The following OGDH variants were observed in gnomAD, a reference collection of about 807,000 sequenced individuals.
OGDH encodes oxoglutarate dehydrogenase.
OGDH carries 38 observed loss-of-function variants against 116.6 expected under a neutral mutation model. The ratio of observed to expected loss-of-function variants is 0.33; its 90% CI spans 0.25 to 0.43. The LOEUF is 0.43. Among genes scored for constraint, OGDH ranks in the 20% least tolerant of loss-of-function variants. The pLI is 1.00. For synonymous variants in OGDH, 488 were observed against 533.3 expected (o/e 0.92, Z 1.17); for missense variants, 825 against 1,357.2 (o/e 0.61, Z 6.16).
intron 2 of OGDH, among the ~76,000 whole-genome samples, chr7:44,626,621 T>C (rs1377051096): frequency 1.3e-5 from 2 of 152,194 alleles, no homozygotes; most frequent in Admixed American, 6.5e-5. Context: ...GATTCATGGG[T>C]AAAAGGTGCA....
At chr7:44,658,707 T>C (rs1199673589) in intron 4 of OGDH, among the ~76,000 whole-genome samples, 1 of 152,188 alleles carries the variant, frequency 6.6e-6, no homozygotes, top group East Asian at 1.9e-4. Context: ...GTAGATTTTT[T>C]GTAAATGCTC....
Position 44,697,731 on chromosome 7 carries a change from G to C in OGDH, c.2307G>C (p.Trp769Cys). ...TCATCTGCCCGGGACAAGCCAAGTG[G>C]GTGCGGCAGAATGGCATCGTGTTGC... ...DQFICPGQAK[W>C]VRQNGIVLLL... The change falls in exon 17 of 23, where the codon TGG (tryptophan) becomes TGC (cysteine). Residue 769 changes from tryptophan to cysteine, a missense_variant. This residue lies in a region of OGDH where 73 missense variants were observed against 182.3 expected (regional missense o/e 0.40). Coordinates refer to ENST00000222673, the MANE Select transcript of OGDH (RefSeq NM_002541.4). The surrounding 1 kb of genome is among the most constrained non-coding windows in gnomAD (Gnocchi z 6.0). 1 of 1,614,236 alleles carries C rather than the reference G, an allele frequency of 6.2e-7. No individual in the cohort carries two copies. Among genetic ancestry groups the C allele is most frequent in the African/African-American group, 1.3e-5 (1 of 75,066 alleles).
intron 10 of OGDH, among the ~76,000 whole-genome samples, chr7:44,685,226 C>T (rs1395270943): frequency 2.6e-5 from 4 of 152,188 alleles, no homozygotes; most frequent in African/African-American, 9.7e-5. Context: ...ACTGTTTCGT[C>T]TCCAACAGAA....
Position 44,700,208 on chromosome 7 carries a change from C to G in OGDH, c.2498C>G (p.Ser833Cys). The G allele has an allele frequency of 3.7e-6, 6 of 1,614,238 alleles. No individual in the cohort carries two copies. Among genetic ancestry groups the G allele is most frequent in the Non-Finnish European group, 5.1e-6 (6 of 1,180,026 alleles). The stretch of plus-strand genomic sequence containing the variant: ...TGCAATTGGGTTGTTGTCAACTGCT[C>G]CACTCCTGGCAACTTCTTCCACGTG... ...YDCNWVVVNC[S>C]TPGNFFHVLR... The change falls in exon 19 of 23, where the codon TCC (serine) becomes TGC (cysteine). Residue 833 changes from serine (S) to cysteine (C), a missense_variant. This residue lies in a region of OGDH where 212 missense variants were observed against 284.3 expected (regional missense o/e 0.75). Transcript: ENST00000222673.
At position 44,625,207 on chromosome 7, in the gene OGDH, C is replaced by G. The variant is rs149622043; in HGVS notation, c.222+642C>G. ...TGGCGGGATCTCGGCTTGCTGCAAC[C>G]TCCGACTCCTGGGTTCAAGTGATTC... is the stretch of plus-strand genomic sequence containing the variant. On this transcript the variant is annotated intron_variant, in intron 2 of 22. Coordinates refer to ENST00000222673, the MANE Select transcript of OGDH (RefSeq NM_002541.4). Among the ~76,000 whole-genome samples the G allele has an allele frequency of 2.8e-3, 429 of 152,242 alleles. 2 individuals carry two copies. The highest frequency in any genetic ancestry group is 1.0e-2 in the African/African-American group (414 of 41,532).
At chr7:44,654,756 AG>A (rs1185680044) in intron 4 of OGDH, among the ~76,000 whole-genome samples, 2 of 152,132 alleles carry the variant, frequency 1.3e-5, no homozygotes, top group African/African-American at 4.8e-5. Context: ...CTTTGACTGG[AG>A]ATACCCAGAA....
chr7:44,624,310 T>TTTTTTTAG lies in OGDH; in HGVS notation c.-27-7_-27-6insTTTTTTAG, dbSNP rs1562617800. 1.3e-5 allele frequency: 14 copies of TTTTTTTAG among 1,102,340 alleles called. No homozygotes were observed. The highest frequency in any genetic ancestry group is 1.0e-4 in the Admixed American group (4 of 39,024). 68.3% of individuals were successfully genotyped at this position (1,102,340 alleles called of 1,614,324 possible). On this transcript the variant is annotated splice_region_variant and splice_polypyrimidine_tract_variant and intron_variant, in intron 1 of 22. Coordinates refer to ENST00000222673, the MANE Select transcript of OGDH (RefSeq NM_002541.4). ...TTTCTTGTTTTTTTTTTTTTTTTTTTGTACAGGCAGTTGTGAAAAACTTCA... is the reference window on the plus strand; with the variant it reads ...TTTCTTGTTTTTTTTTTTTTTTTTTTTTTTTTAGGTACAGGCAGTTGTGAAAAACTTCA...
At chr7:44,619,495 T>C (rs1583426) in intron 1 of OGDH, among the ~76,000 whole-genome samples, 205 of 152,356 alleles carry the variant, frequency 1.3e-3, no homozygotes, top group African/African-American at 4.9e-3. Flanking sequence ...ACTCATAATA[T>C]GTCTTTTGCG....
intron 2 of OGDH, among the ~76,000 whole-genome samples, chr7:44,625,792 A>G (rs1785179692): frequency 6.6e-6 from 1 of 152,000 alleles, no homozygotes; most frequent in African/African-American, 2.4e-5. Flanking sequence ...CCCTTTAAGT[A>G]TTAGTGACAC....
intron 20 of OGDH, among the ~76,000 whole-genome samples, chr7:44,704,685 TTTTGGG>T (rs1036696642): frequency 5.9e-5 from 9 of 151,982 alleles, no homozygotes; most frequent in Admixed American, 3.9e-4. Flanking sequence ...TTGGTTTTGG[TTTTGGG>T]TTTGGGTGTT....
chr7:44,625,861 T>C (rs754337591), intron 2 of OGDH, among the ~76,000 whole-genome samples: 1 of 152,146 alleles, frequency 6.6e-6, no homozygotes, highest in Non-Finnish European at 1.5e-5. Context: ...CAGTTCTAGC[T>C]ACTCCACAGG....
intron 4 of OGDH, 46 bp from the exon 5 acceptor site, chr7:44,666,690 C>A: frequency 8.8e-7 from 1 of 1,133,522 alleles, no homozygotes; most frequent in Non-Finnish European, 1.3e-6. Context: ...CATGGCTGTG[C>A]CCCATCCCTC....
chr7:44,621,317 T>C (rs1193181755), intron 1 of OGDH, among the ~76,000 whole-genome samples: 33 of 152,138 alleles, frequency 2.2e-4, no homozygotes, highest in Admixed American at 2.2e-3. Flanking sequence ...CAAACAATCC[T>C]TAAGCCTTGG....
At chr7:44,675,075 C>G (rs531970298) in intron 7 of OGDH, 103 bp from the exon 8 acceptor site, 2 of 864,128 alleles carry the variant, frequency 2.3e-6, no homozygotes, top group South Asian at 2.9e-5. Context: ...GAGGAGGTGC[C>G]GTGTCCTGGG....
At chr7:44,647,804 GCTGTGCCACGAC>G in intron 4 of OGDH, 45 bp downstream of exon 4, 1 of 1,446,760 alleles carries the variant, frequency 6.9e-7, no homozygotes, top group Non-Finnish European at 9.7e-7. Flanking sequence ...AGCTCCTCTC[GCTGTGCCACGAC>G]CTGTGGTAGC....
At chr7:44,618,988 A>G (rs530371137) in intron 1 of OGDH, among the ~76,000 whole-genome samples, 12 of 152,334 alleles carry the variant, frequency 7.9e-5, no homozygotes, top group African/African-American at 2.6e-4. Flanking sequence ...CTACATGGTT[A>G]TCTATGCTTC....
At chr7:44,637,482 G>T (rs1275473924) in intron 2 of OGDH, among the ~76,000 whole-genome samples, 2 of 152,158 alleles carry the variant, frequency 1.3e-5, no homozygotes, top group Non-Finnish European at 2.9e-5. Context: ...GATATTTGTT[G>T]AATTGAATGA....
chr7:44,693,345 C>T (rs574327335), intron 10 of OGDH, among the ~76,000 whole-genome samples: 5 of 151,582 alleles, frequency 3.3e-5, no homozygotes, highest in Admixed American at 3.3e-4. Context: ...CACAGTGCCT[C>T]ACTCCTATAA....
chr7:44,622,868 G>C (rs184176927), intron 1 of OGDH: 2 of 152,150 alleles, frequency 1.3e-5, no homozygotes, highest in Non-Finnish European at 2.9e-5. Context: ...TATGACCTTG[G>C]ATGAAATGTA....
Sources: allele counts gnomAD v4.1 joint callset (sites outside exome capture counted in the v4.1 genomes callset), GRCh38; gene constraint gnomAD v4.1.1; regional missense constraint gnomAD v4.1.1; non-coding constraint Gnocchi (gnomAD v3.1); transcripts MANE v1.5; gene names NCBI Gene and HGNC (gene_info 2026-07-23, HGNC 2026-07-21).